The following NXPH2 variants were observed in gnomAD, a reference collection of about 807,000 sequenced individuals.
The protein encoded by NXPH2 is neurexophilin 2.
A neutral mutation model predicts 19.8 loss-of-function variants in NXPH2; 5 were observed. That is an observed-to-expected ratio of 0.25 (90% CI 0.13 to 0.53). NXPH2 has a LOEUF of 0.53. NXPH2 is among the 20% of genes least tolerant of loss of function. NXPH2 has a pLI of 0.96. For synonymous variants in NXPH2, 154 were observed against 127.4 expected (o/e 1.21, Z -1.41); for missense variants, 289 against 322.8 (o/e 0.90, Z 0.80).
intron 1 of NXPH2, among the ~76,000 whole-genome samples, chr2:138,770,535 TATA>T (rs1682161038): frequency 6.6e-6 from 1 of 151,904 alleles, no homozygotes; most frequent in African/African-American, 2.4e-5. Context: ...AAGAGTCAAA[TATA>T]AGATTATTTG....
intron 1 of NXPH2, among the ~76,000 whole-genome samples, chr2:138,717,375 G>T (rs1194867092): frequency 6.6e-6 from 1 of 151,520 alleles, no homozygotes; most frequent in African/African-American, 2.4e-5. Context: ...CCATAAACCA[G>T]GTAACTTATA....
chr2:138,697,289 T>C (rs562636887), intron 1 of NXPH2, among the ~76,000 whole-genome samples: 4 of 152,234 alleles, frequency 2.6e-5, no homozygotes, highest in African/African-American at 9.6e-5. Flanking sequence ...CTTTTGAAAA[T>C]GATTTAAATA....
intron 1 of NXPH2, among the ~76,000 whole-genome samples, chr2:138,715,197 T>C (rs377440675): frequency 6.6e-6 from 1 of 152,184 alleles, no homozygotes; most frequent in African/African-American, 2.4e-5. Context: ...AGCTAATAGC[T>C]CTCTTGGCAC....
At chr2:138,723,934 C>CTTTTTT (rs66507808) in intron 1 of NXPH2, among the ~76,000 whole-genome samples, 3 of 144,572 alleles carry the variant, frequency 2.1e-5, no homozygotes, top group Non-Finnish European at 4.5e-5. Context: ...GTCATAATTT[C>CTTTTTT]TTTTTTTTTT....
intron 1 of NXPH2, among the ~76,000 whole-genome samples, chr2:138,733,875 C>A (rs1053341598): frequency 1.3e-5 from 2 of 152,138 alleles, no homozygotes; most frequent in Non-Finnish European, 2.9e-5. Flanking sequence ...GAAAGATTTG[C>A]AACTACATCA....
At chr2:138,755,196 AAT>A (rs1408321444) in intron 1 of NXPH2, among the ~76,000 whole-genome samples, 1 of 152,042 alleles carries the variant, frequency 6.6e-6, no homozygotes, top group Non-Finnish European at 1.5e-5. Context: ...TTTTAATTAC[AAT>A]AAGGTTCAAG....
chr2:138,709,838 G>A (rs1225222773), intron 1 of NXPH2, among the ~76,000 whole-genome samples: 1 of 152,040 alleles, frequency 6.6e-6, no homozygotes, highest in African/African-American at 2.4e-5. Flanking sequence ...GTCTTTTCAT[G>A]GTTTAATCAT....
In NXPH2 at chr2:138,728,021, G is replaced by A. The variant is rs199663480; in HGVS notation, c.51+52170C>T. Among the ~76,000 whole-genome samples the A allele has an allele frequency of 1.9e-4, 29 of 152,260 alleles. No homozygotes were observed. The East Asian group carries it at 5.4e-3, about 28-fold the overall frequency. On this transcript the variant is annotated intron_variant, in intron 1 of 1. Coordinates refer to ENST00000272641, the MANE Select transcript of NXPH2 (RefSeq NM_007226.3). ...GTAAGTTTCATAATGTCTCTGCTAT[G>A]GACTACACTGTGTTCCCTCCAAATT...
intron 1 of NXPH2, among the ~76,000 whole-genome samples, chr2:138,702,031 G>T (rs1041656355): frequency 2.0e-5 from 3 of 152,126 alleles, no homozygotes; most frequent in African/African-American, 4.8e-5. Context: ...CAACACAGAG[G>T]CCACTTTATC....
intron 1 of NXPH2, among the ~76,000 whole-genome samples, chr2:138,672,986 T>G (rs1347066089): frequency 6.6e-6 from 1 of 152,180 alleles, no homozygotes; most frequent in Non-Finnish European, 1.5e-5. Context: ...TCCACCTATG[T>G]CTAGTCCCCA....
At chr2:138,692,726 TTA>T (rs893225741) in intron 1 of NXPH2, among the ~76,000 whole-genome samples, 61 of 152,274 alleles carry the variant, frequency 4.0e-4, no homozygotes, top group African/African-American at 1.5e-3. Context: ...TGGCCTAATT[TTA>T]AAATGTGTGT....
intron 1 of NXPH2, among the ~76,000 whole-genome samples, chr2:138,770,771 T>C (rs1028184769): frequency 6.6e-6 from 1 of 152,016 alleles, no homozygotes; most frequent in Non-Finnish European, 1.5e-5. Flanking sequence ...AAAGAACAAT[T>C]GTGCGTGAGC....
chr2:138,771,370 G>A (rs1181482874), intron 1 of NXPH2, among the ~76,000 whole-genome samples: 1 of 151,952 alleles, frequency 6.6e-6, no homozygotes, highest in Non-Finnish European at 1.5e-5. Flanking sequence ...CATAATATCT[G>A]GAAAGACATA....
intron 1 of NXPH2, among the ~76,000 whole-genome samples, chr2:138,721,266 G>A (rs778348945): frequency 7.9e-5 from 12 of 151,780 alleles, no homozygotes; most frequent in Admixed American, 3.3e-4. Flanking sequence ...GCTTGAACCC[G>A]GGAAGTGGAG....
chr2:138,690,834 C>G (rs1680735117), intron 1 of NXPH2, among the ~76,000 whole-genome samples: 1 of 152,164 alleles, frequency 6.6e-6, no homozygotes, highest in Non-Finnish European at 1.5e-5. Context: ...ACCTTGTAAA[C>G]AAATGCATTC....
At chr2:138,673,283 T>A (rs1680438436) in intron 1 of NXPH2, among the ~76,000 whole-genome samples, 2 of 152,154 alleles carry the variant, frequency 1.3e-5, no homozygotes, top group African/African-American at 4.8e-5. Flanking sequence ...GCTGGCAGAT[T>A]CCCCAGGGAA....
chr2:138,742,653 C>T (rs1450972787), intron 1 of NXPH2, among the ~76,000 whole-genome samples: 2 of 152,198 alleles, frequency 1.3e-5, no homozygotes, highest in Non-Finnish European at 2.9e-5. Context: ...AAGTCTCCTG[C>T]TTGGCTGAAA....
intron 1 of NXPH2, among the ~76,000 whole-genome samples, chr2:138,736,492 C>T (rs961493096): frequency 7.9e-5 from 12 of 152,180 alleles, no homozygotes; most frequent in Non-Finnish European, 1.6e-4. Flanking sequence ...GCACCAAGTC[C>T]CTAGGCTGTA....
intron 1 of NXPH2, among the ~76,000 whole-genome samples, chr2:138,733,381 T>C (rs1026168212): frequency 3.9e-5 from 6 of 152,198 alleles, no homozygotes; most frequent in Non-Finnish European, 5.9e-5. Flanking sequence ...TGAATGAAGA[T>C]CTGGATATTT....
Sources: gnomAD v4.1 joint callset for allele counts (sites outside exome capture counted in the v4.1 genomes callset) on GRCh38, gnomAD v4.1.1 for gene constraint, MANE v1.5 for transcripts, NCBI Gene and HGNC (gene_info 2026-07-23, HGNC 2026-07-21) for gene names.